Variants in TCF4 observed in about 807,000 individuals in gnomAD.
The protein encoded by TCF4 is SL3-3 enhancer factor 2.
In TCF4, 3 loss-of-function variants were observed where a neutral mutation model predicts 82.1. The ratio of observed to expected loss-of-function variants is 0.04; its 90% CI spans 0.02 to 0.09. TCF4 has a LOEUF of 0.09. Among genes scored for constraint, TCF4 ranks in the 10% least tolerant of loss-of-function variants. The pLI is 1.00. For synonymous variants in TCF4, 276 were observed against 309.6 expected, an observed-to-expected ratio of 0.89 and a Z score of 1.14; for missense variants, 518 against 852.7, an observed-to-expected ratio of 0.61 and a Z score of 4.89.
rs554769872 is a variant in TCF4, at chr18:55,261,650, A to T, written c.923-117T>A. The T allele has an allele frequency of 5.5e-6, 6 of 1,098,100 alleles. No individual in the cohort carries two copies. In the South Asian group the frequency reaches 7.5e-5, roughly 14 times the overall value. 68.0% of individuals were successfully genotyped at this position (1,098,100 alleles called of 1,614,324 possible). A position where few individuals can be genotyped will look rare whatever the true frequency, so the allele number is the denominator to read the frequency against. ...TTTTTAATGCTAATTACAACACATTAATCTTTAATTAGCATTAATTTGTTT... is the reference window on the plus strand; with the variant it reads ...TTTTTAATGCTAATTACAACACATTTATCTTTAATTAGCATTAATTTGTTT... On this transcript the variant is annotated intron_variant, in intron 11 of 19. Transcript: ENST00000354452.
chr18:55,597,677 A>AT (rs2097692518), intron 2 of TCF4, among the ~76,000 whole-genome samples: 1 of 152,046 alleles, frequency 6.6e-6, no homozygotes, highest in Non-Finnish European at 1.5e-5. Context: ...AAAAAAAAAA[A>AT]GGTAAAAGTT....
At chr18:55,403,916 T>C (rs1417893978) in intron 5 of TCF4, 3 of 1,413,560 alleles carry the variant, frequency 2.1e-6, no homozygotes, top group Non-Finnish European at 2.8e-6. Flanking sequence ...TATTGACACT[T>C]AATAGTGAGG....
At chr18:55,350,332 T>TAC in intron 8 of TCF4, 27 bp downstream of exon 8, 1 of 1,610,912 alleles carries the variant, frequency 6.2e-7, no homozygotes, top group Non-Finnish European at 8.5e-7. Context: ...ATAAGCAATA[T>TAC]ACAAAGCAGA....
chr18:55,322,872 G>A (rs1274723361), intron 8 of TCF4, among the ~76,000 whole-genome samples: 1 of 152,304 alleles, frequency 6.6e-6, no homozygotes, highest in East Asian at 1.9e-4. Flanking sequence ...AGGCACCCCT[G>A]AGACCACATT....
intron 15 of TCF4, among the ~76,000 whole-genome samples, chr18:55,243,449 C>A (rs984026147): frequency 6.6e-6 from 1 of 152,134 alleles, no homozygotes; most frequent in African/African-American, 2.4e-5. Context: ...TTTCATCTCG[C>A]AGCTATACAG....
At chr18:55,536,156 A>G (rs1277695084) in intron 3 of TCF4, among the ~76,000 whole-genome samples, 1 of 152,236 alleles carries the variant, frequency 6.6e-6, no homozygotes, top group African/African-American at 2.4e-5. Flanking sequence ...TGGCAAATAT[A>G]TAGAAACAAC....
intron 8 of TCF4, among the ~76,000 whole-genome samples, chr18:55,283,335 C>T (rs368974873): frequency 6.6e-6 from 1 of 151,760 alleles, no homozygotes; most frequent in African/African-American, 2.4e-5. Context: ...CAGAAAAGAA[C>T]AAAAAGCAAG....
intron 3 of TCF4, among the ~76,000 whole-genome samples, chr18:55,469,234 C>T (rs930795360): frequency 6.6e-5 from 10 of 152,050 alleles, no homozygotes; most frequent in African/African-American, 1.9e-4. Flanking sequence ...GATGCCGAGG[C>T]GGGCAGATCA....
At chr18:55,493,718 T>C (rs1325166850) in intron 3 of TCF4, among the ~76,000 whole-genome samples, 2 of 152,146 alleles carry the variant, frequency 1.3e-5, no homozygotes, top group Non-Finnish European at 2.9e-5. Flanking sequence ...ATTACACAAA[T>C]ACACAAAATA....
intron 6 of TCF4, among the ~76,000 whole-genome samples, chr18:55,374,733 C>T (rs552151377): frequency 2.8e-4 from 43 of 151,782 alleles, no homozygotes; most frequent in Non-Finnish European, 2.8e-4. Context: ...AACTCCGCCT[C>T]CACAAAAAAA....
chr18:55,603,974 G>A (rs1245686773), intron 2 of TCF4, among the ~76,000 whole-genome samples: 1 of 152,096 alleles, frequency 6.6e-6, no homozygotes. Context: ...CATCAATGTC[G>A]TGTCTTTGGA....
chr18:55,321,485 A>C, intron 8 of TCF4: 1 of 890,236 alleles, frequency 1.1e-6, no homozygotes, highest in Non-Finnish European at 1.7e-6. Context: ...GGGGGAAAAA[A>C]AGACGAAGGA....
At chr18:55,418,357 T>C (rs1192171260) in intron 5 of TCF4, among the ~76,000 whole-genome samples, 3 of 152,150 alleles carry the variant, frequency 2.0e-5, no homozygotes, top group African/African-American at 4.8e-5. Context: ...TTTCTGGTGG[T>C]CTTAAACTTA....
At chr18:55,494,913 T>C (rs2096616983) in intron 3 of TCF4, among the ~76,000 whole-genome samples, 1 of 150,890 alleles carries the variant, frequency 6.6e-6, no homozygotes, top group African/African-American at 2.4e-5. Flanking sequence ...TAGAAAGGAG[T>C]ACCTTATTGC....
chr18:55,482,683 CT>C (rs2096456998), intron 3 of TCF4: 2 of 152,192 alleles, frequency 1.3e-5, no homozygotes, highest in Admixed American at 1.3e-4. Context: ...CAAGGTCATC[CT>C]GATAACATAC....
intron 2 of TCF4, among the ~76,000 whole-genome samples, chr18:55,601,833 C>T (rs913623532): frequency 2.6e-5 from 4 of 152,300 alleles, no homozygotes; most frequent in Admixed American, 2.0e-4. Flanking sequence ...TATTCACCTA[C>T]TCCCAAACCG....
intron 6 of TCF4, among the ~76,000 whole-genome samples, chr18:55,362,494 C>G (rs915306838): frequency 1.3e-5 from 2 of 151,634 alleles, no homozygotes; most frequent in Non-Finnish European, 2.9e-5. Context: ...ATGTCCCTTC[C>G]ACACTGAAAC....
intron 2 of TCF4, among the ~76,000 whole-genome samples, chr18:55,627,116 G>C (rs896691654): frequency 6.6e-6 from 1 of 152,178 alleles, no homozygotes; most frequent in African/African-American, 2.4e-5. Flanking sequence ...TTGAGTCAGA[G>C]ATTTTTTGCT....
intron 8 of TCF4, among the ~76,000 whole-genome samples, chr18:55,349,141 T>C (rs1033962783): frequency 6.6e-6 from 1 of 152,196 alleles, no homozygotes; most frequent in Non-Finnish European, 1.5e-5. Context: ...TATACACCAT[T>C]GGCAATCTTA....
Sources: allele counts gnomAD v4.1 joint callset (sites outside exome capture counted in the v4.1 genomes callset), GRCh38; gene constraint gnomAD v4.1.1; transcripts MANE v1.5; gene names NCBI Gene and HGNC (gene_info 2026-07-23, HGNC 2026-07-21).